Variants in FBXO25 observed in about 807,000 individuals in gnomAD.
FBXO25 encodes F-box only protein 25.
FBXO25 carries 45 observed loss-of-function variants against 51.9 expected under a neutral mutation model. The observed-to-expected ratio is 0.87, with a 90% CI of 0.68 to 1.11. The LOEUF is 1.11. Among genes scored for constraint, FBXO25 ranks in the 50% most tolerant of loss-of-function variants. The pLI is 0.00. For missense variants in FBXO25, 507 were observed against 428.5 expected (o/e 1.18, Z -1.62); for synonymous variants, 199 against 151.0 (o/e 1.32, Z -2.33).
Position 473,427 on chromosome 8 carries a change from C to T in FBXO25, c.*4623C>T, listed in dbSNP as rs955245878. The T allele has an allele frequency of 2.0e-5, 3 of 152,354 alleles. No individual in the cohort carries two copies. The highest frequency in any genetic ancestry group is 7.2e-5 in the African/African-American group (3 of 41,472). The allele number at this position is 152,354 out of a possible 1,614,324, so 9.4% of individuals were successfully genotyped here. ...TGGCTGCTGCCATTCTCGCCCTCAGCATCTGTGAGATGAAGGAGTTGCTCC... is the reference window on the plus strand; with the variant it reads ...TGGCTGCTGCCATTCTCGCCCTCAGTATCTGTGAGATGAAGGAGTTGCTCC... On this transcript the variant is annotated 3_prime_UTR_variant, in exon 10 of 10. Coordinates refer to ENST00000350302, the MANE Select transcript of FBXO25 (RefSeq NM_183420.2).
At chr8:452,320 A>C (rs1165368032) in intron 7 of FBXO25, among the ~76,000 whole-genome samples, 1 of 152,194 alleles carries the variant, frequency 6.6e-6, no homozygotes, top group East Asian at 1.9e-4. Flanking sequence ...GTTTGTTATA[A>C]ACGTTGGATT....
intron 2 of FBXO25, among the ~76,000 whole-genome samples, chr8:415,521 G>A (rs1796742762): frequency 6.6e-6 from 1 of 152,178 alleles, no homozygotes; most frequent in African/African-American, 2.4e-5. Flanking sequence ...GGGTAGGTCG[G>A]CTGGGGTCCA....
At position 473,699 on chromosome 8, in the gene FBXO25, G is replaced by A. The variant is rs978779161; in HGVS notation, c.*4895G>A. The A allele has an allele frequency of 5.0e-4, 76 of 152,026 alleles. No individual in the cohort carries two copies. The highest frequency in any genetic ancestry group is 1.5e-3 in the African/African-American group (64 of 41,454). The allele number at this position is 152,026 out of a possible 1,614,324, so 9.4% of individuals were successfully genotyped here. ...TGGGCTGGCTCTTGGACCATAACCA[G>A]CGTTCACTGAGGATGCGGTTTCTTT... On this transcript the variant is annotated 3_prime_UTR_variant, in exon 10 of 10. Coordinates refer to ENST00000350302, the MANE Select transcript of FBXO25 (RefSeq NM_183420.2).
At position 474,764 on chromosome 8, in the gene FBXO25, T is replaced by C. The variant is rs1471599064; in HGVS notation, c.*5960T>C. Reference sequence around the variant, plus strand: ...TATTCACCCTTTTCAGATATATCATTTTAAAATACTTTGTCCCATTCCGTG... The same window carrying C: ...TATTCACCCTTTTCAGATATATCATCTTAAAATACTTTGTCCCATTCCGTG... On this transcript the variant is annotated 3_prime_UTR_variant, in exon 10 of 10. Transcript: ENST00000350302. 4.4e-6 allele frequency: 2 copies of C among 456,704 alleles called. No individual in the cohort carries two copies. Among genetic ancestry groups the C allele is most frequent in the Admixed American group, 4.7e-5 (2 of 42,574 alleles). The allele number at this position is 456,704 out of a possible 1,614,324, so 28.3% of individuals were successfully genotyped here. A position where few individuals can be genotyped will look rare whatever the true frequency, so the allele number is the denominator to read the frequency against.
At chr8:425,990 G>T (rs1382613546) in intron 2 of FBXO25, among the ~76,000 whole-genome samples, 1 of 150,562 alleles carries the variant, frequency 6.6e-6, no homozygotes, top group Non-Finnish European at 1.5e-5. Context: ...GCAGTTAGCT[G>T]ATGGACACCC....
chr8:459,420 G>A (rs943016676), intron 8 of FBXO25, among the ~76,000 whole-genome samples: 4 of 152,286 alleles, frequency 2.6e-5, no homozygotes, highest in East Asian at 1.9e-4. Context: ...GAGGAAGCAC[G>A]GCAGAGGCCG....
At chr8:451,858 T>C (rs769759940) in intron 7 of FBXO25, among the ~76,000 whole-genome samples, 25 of 152,332 alleles carry the variant, frequency 1.6e-4, no homozygotes, top group Non-Finnish European at 1.0e-4. Context: ...TTTTTGGGGA[T>C]GTGTTTATAG....
intron 9 of FBXO25, 57 bp downstream of exon 9, chr8:463,207 A>C: frequency 6.4e-7 from 1 of 1,557,722 alleles, no homozygotes; most frequent in South Asian, 1.2e-5. Flanking sequence ...GAAACAAACT[A>C]ATCACCTATA....
In FBXO25 at chr8:449,976, G is replaced by A. The variant is rs142217903; in HGVS notation, c.382-14G>A. ...TATATATATCGCTCAGCTTTTTTCCGTCTTTCCTTTAAGCTGTTGCAGCTA... is the reference window on the plus strand; with the variant it reads ...TATATATATCGCTCAGCTTTTTTCCATCTTTCCTTTAAGCTGTTGCAGCTA... On this transcript the variant is annotated splice_polypyrimidine_tract_variant and intron_variant, in intron 5 of 9. Coordinates refer to ENST00000350302, the MANE Select transcript of FBXO25 (RefSeq NM_183420.2). 6.3e-4 allele frequency: 995 copies of A among 1,584,986 alleles called. 2 individuals carry two copies. The East Asian group carries it at 0.018, about 29-fold the overall frequency.
chr8:442,670 G>C (rs3857918), intron 5 of FBXO25, among the ~76,000 whole-genome samples: 1 of 151,618 alleles, frequency 6.6e-6, no homozygotes, highest in South Asian at 2.1e-4. Context: ...GGGTTTTGCC[G>C]TATGGGTCAG....
intron 5 of FBXO25, among the ~76,000 whole-genome samples, chr8:445,576 G>A (rs1798686893): frequency 6.6e-6 from 1 of 152,182 alleles, no homozygotes; most frequent in African/African-American, 2.4e-5. Context: ...GACTGGGCTG[G>A]GTGCAGTGGC....
chr8:452,475 G>A (rs1799159349), intron 7 of FBXO25, among the ~76,000 whole-genome samples: 1 of 152,232 alleles, frequency 6.6e-6, no homozygotes, highest in Non-Finnish European at 1.5e-5. Context: ...TGCATGGCAT[G>A]GGGCTTGCTG....
intron 5 of FBXO25, 55 bp from the exon 6 acceptor site, chr8:449,935 G>A (rs1798973285): frequency 5.6e-6 from 7 of 1,240,436 alleles, no homozygotes; most frequent in South Asian, 1.3e-5. Flanking sequence ...ACTGTGGTTT[G>A]TAATTCCATA....
intron 7 of FBXO25, 108 bp downstream of exon 7, chr8:451,561 A>G: frequency 4.7e-6 from 5 of 1,061,624 alleles, no homozygotes; most frequent in South Asian, 4.6e-5. Flanking sequence ...AAGATTTTCT[A>G]ATGCTTTCAT....
intron 5 of FBXO25, among the ~76,000 whole-genome samples, chr8:449,489 A>G (rs1261968224): frequency 6.6e-6 from 1 of 152,260 alleles, no homozygotes; most frequent in African/African-American, 2.4e-5. Flanking sequence ...TAAATACAAA[A>G]TGGTATTTAA....
intron 7 of FBXO25, among the ~76,000 whole-genome samples, chr8:456,393 G>C (rs1799432516): frequency 6.6e-6 from 1 of 152,058 alleles, no homozygotes; most frequent in Admixed American, 6.5e-5. Context: ...TTTTCTATGT[G>C]CTCTCTGCCA....
chr8:442,696 C>A (rs923714940), intron 5 of FBXO25, among the ~76,000 whole-genome samples: 1 of 152,140 alleles, frequency 6.6e-6, no homozygotes, highest in African/African-American at 2.4e-5. Flanking sequence ...TCTTGAACTC[C>A]TGACCTCAGG....
Position 435,372 on chromosome 8 carries a change from T to C in FBXO25, c.289-243T>C, listed in dbSNP as rs187704278. 213 of 510,188 alleles carry C rather than the reference T, an allele frequency of 4.2e-4. 1 individual carries two copies. Among genetic ancestry groups the C allele is most frequent in the African/African-American group, 3.8e-3 (191 of 49,612 alleles). The allele number at this position is 510,188 out of a possible 1,614,324, so 31.6% of individuals were successfully genotyped here. On this transcript the variant is annotated intron_variant, in intron 4 of 9. Transcript: ENST00000350302. ...CAAGATATTTAATAAATATTTGTCT[T>C]TGTCATTACTTCAGCAGGTTGTAAA...
At chr8:416,848 C>T (rs569337123) in intron 2 of FBXO25, among the ~76,000 whole-genome samples, 128 of 152,280 alleles carry the variant, frequency 8.4e-4, no homozygotes, top group African/African-American at 2.7e-3. Flanking sequence ...TCTGGTGAAA[C>T]AGATAGGCAG....
Sources: gnomAD v4.1 joint callset for allele counts (sites outside exome capture counted in the v4.1 genomes callset) on GRCh38, gnomAD v4.1.1 for gene constraint, MANE v1.5 for transcripts, NCBI Gene and HGNC (gene_info 2026-07-23, HGNC 2026-07-21) for gene names.